SCRN2: variants seen among roughly 807,000 people sequenced by gnomAD.
The protein encoded by SCRN2 is secernin 2.
SCRN2 carries 30 observed loss-of-function variants against 40.1 expected under a neutral mutation model. The observed-to-expected ratio is 0.75, with a 90% CI of 0.56 to 1.01. The LOEUF is 1.01. Among genes scored for constraint, SCRN2 ranks in the 50% least tolerant of loss-of-function variants. SCRN2 has a pLI of 0.00. For missense variants in SCRN2, 526 were observed against 564.9 expected, an observed-to-expected ratio of 0.93 and a Z score of 0.70; for synonymous variants, 240 against 233.5, an observed-to-expected ratio of 1.03 and a Z score of -0.25.
chr17:47,840,795 A>T lies in SCRN2; in HGVS notation c.49T>A (p.Ser17Thr). The T allele has an allele frequency of 6.4e-7, 1 of 1,574,126 alleles. No homozygotes were observed. Among genetic ancestry groups the T allele is most frequent in the Non-Finnish European group, 8.6e-7 (1 of 1,157,772 alleles). Residue 17 changes from serine (S) to threonine (T), a missense_variant, in exon 2 of 8, where the codon TCC (serine) becomes ACC (threonine). Physicochemically the swap from Ser to Thr is moderately conservative, Grantham distance 58. Coordinates refer to ENST00000290216, the MANE Select transcript of SCRN2 (RefSeq NM_138355.4). The stretch of plus-strand genomic sequence containing the variant: ...GGGATGGCTGAGGCCGGGGGCACGG[A>T]GACAAAGCAGTCGCAGGAACATGGG... ...DSPCSCDCFV[S>T]VPPASAIPAV... is the part of the protein sequence containing the mutation.
At chr17:47,840,998 G>T in intron 1 of SCRN2, 155 bp from the exon 2 acceptor site, 2 of 623,640 alleles carry the variant, frequency 3.2e-6, no homozygotes, top group Non-Finnish European at 4.8e-6. Context: ...GAACGGAGGT[G>T]CCCACCCTCT....
chr17:47,840,626 A>G, intron 2 of SCRN2, 44 bp downstream of exon 2: 1 of 1,539,842 alleles, frequency 6.5e-7, no homozygotes, highest in Non-Finnish European at 8.8e-7. Context: ...AAAAGAATGC[A>G]GAGATCTGCC....
chr17:47,840,571 A>T (rs2033800563), intron 2 of SCRN2, 99 bp downstream of exon 2: 13 of 1,369,284 alleles, frequency 9.5e-6, no homozygotes, highest in Non-Finnish European at 1.3e-5. Flanking sequence ...CTCTTCCACT[A>T]CTTCTGGCAG....
chr17:47,840,199 G>C lies in SCRN2; in HGVS notation c.348C>G (p.Asp116Glu). ...VGEGEALLGM[D>E]LLRLALERSS... ...AAGGGCAGGGTCTGCACCTGAGTAG[G>C]TCCATGCCCAGCAGGGCTTCCCCCT... is the stretch of plus-strand genomic sequence containing the variant. Residue 116 changes from aspartate to glutamate, a missense_variant, in exon 3 of 8, where the codon GAC (aspartate) becomes GAG (glutamate). Asp to Glu is a conservative substitution (Grantham distance 45). Transcript: ENST00000290216. 1 of 1,612,898 alleles carries C rather than the reference G, an allele frequency of 6.2e-7. No individual in the cohort carries two copies. The highest frequency in any genetic ancestry group is 8.5e-7 in the Non-Finnish European group (1 of 1,179,880).
rs2033772374 is a variant in SCRN2, at chr17:47,839,342, C to T, written c.556+102G>A. 49 of 1,199,168 alleles carry T rather than the reference C, an allele frequency of 4.1e-5. 1 individual carries two copies. In the South Asian group the frequency reaches 6.8e-4, roughly 17 times the overall value. The allele number at this position is 1,199,168 out of a possible 1,614,324, so 74.3% of individuals were successfully genotyped here. A position where few individuals can be genotyped will look rare whatever the true frequency, so the allele number is the denominator to read the frequency against. ...AGAATTCCCAAGTGGGCTCATCTCC[C>T]ATCTCCCTGGATGTCCTGACAGGCT... On this transcript the variant is annotated intron_variant, in intron 4 of 7. Transcript: ENST00000290216.
chr17:47,838,220 G>C (rs1259895631), intron 7 of SCRN2, 50 bp downstream of exon 7: 6 of 1,570,940 alleles, frequency 3.8e-6, no homozygotes, highest in South Asian at 1.2e-5. Context: ...CACTGGGAGT[G>C]GGGGAGGTCT....
At chr17:47,840,912 C>G in intron 1 of SCRN2, 69 bp from the exon 2 acceptor site, 1 of 1,353,896 alleles carries the variant, frequency 7.4e-7, no homozygotes, top group East Asian at 2.8e-5. Flanking sequence ...TACCCCCACA[C>G]GTGTAAAAGA....
chr17:47,839,733 A>G, intron 3 of SCRN2, 90 bp from the exon 4 acceptor site: 1 of 1,420,788 alleles, frequency 7.0e-7, no homozygotes, highest in Non-Finnish European at 9.8e-7. Context: ...AGGCCCGGAG[A>G]GGTTTGGTGA....
intron 3 of SCRN2, chr17:47,839,888 C>T (rs1276739651): frequency 1.7e-6 from 1 of 599,284 alleles, no homozygotes; most frequent in Non-Finnish European, 3.0e-6. Flanking sequence ...AGAGAAGTGT[C>T]CTGAGCCCCT....
intron 7 of SCRN2, 32 bp from the exon 8 acceptor site, chr17:47,838,034 C>T: frequency 1.3e-6 from 2 of 1,592,386 alleles, no homozygotes; most frequent in Non-Finnish European, 1.7e-6. Flanking sequence ...ATGAGTCTGT[C>T]CGGGACAGGC....
In SCRN2 at chr17:47,838,648, C is replaced by T. The variant is rs1357400347; in HGVS notation, c.821G>A (p.Ser274Asn). 3 of 1,613,996 alleles carry T rather than the reference C, an allele frequency of 1.9e-6. No homozygotes were observed. The highest frequency in any genetic ancestry group is 2.5e-6 in the Non-Finnish European group (3 of 1,180,042). The change falls in exon 6 of 8, where the codon AGT becomes AAT. Residue 274 changes from serine (S) to asparagine (N), a missense_variant. Ser to Asn is a conservative substitution (Grantham distance 46, BLOSUM62 1). Coordinates refer to ENST00000290216, the MANE Select transcript of SCRN2 (RefSeq NM_138355.4). ...GCCTCCCGAGTCCATACAGATACCA[C>T]TCTCCTTGTCTCTGAGGATGCCCAT... is the stretch of plus-strand genomic sequence containing the variant. Reference protein sequence around the residue: ...VMMGILRDKESGICMDSGGFR... With the variant: ...VMMGILRDKENGICMDSGGFR...
chr17:47,840,930 G>A, intron 1 of SCRN2, 87 bp from the exon 2 acceptor site: 1 of 1,260,438 alleles, frequency 7.9e-7, no homozygotes, highest in Non-Finnish European at 1.0e-6. Context: ...AGACGCGCAA[G>A]GAAGACACCG....
rs2033790900 is a variant in SCRN2 at position 47,840,181 on chromosome 17, G to A, written c.356+10C>T. 1.2e-6 allele frequency: 2 copies of A among 1,605,998 alleles called. No individual in the cohort carries two copies. Among genetic ancestry groups the A allele is most frequent in the African/African-American group, 2.7e-5 (2 of 74,806 alleles). On this transcript the variant is annotated intron_variant, in intron 3 of 7. Coordinates refer to ENST00000290216, the MANE Select transcript of SCRN2 (RefSeq NM_138355.4). Reference sequence around the variant, plus strand: ...TGTGTCAGGCAGATGAGGAAGGGCAGGGTCTGCACCTGAGTAGGTCCATGC... The same window carrying A: ...TGTGTCAGGCAGATGAGGAAGGGCAAGGTCTGCACCTGAGTAGGTCCATGC...
Position 47,838,856 on chromosome 17 carries a change from G to A in SCRN2, c.707C>T (p.Pro236Leu), listed in dbSNP as rs1159384673. ...GGCCTTGGCAGCCTCCATGCGCACA[G>A]GCTGCTGGGTCAGGGAGAAGATCTG... ...FAQIFSLTQQ[P>L]VRMEAAKARF... The change falls in exon 5 of 8, where the codon CCT becomes CTT. Residue 236 changes from proline to leucine, a missense_variant. By Grantham distance (98) the Pro-to-Leu change is moderately conservative. Transcript: ENST00000290216. The A allele has an allele frequency of 6.2e-7, 1 of 1,613,560 alleles. No individual in the cohort carries two copies. Among genetic ancestry groups the A allele is most frequent in the African/African-American group, 1.3e-5 (1 of 74,946 alleles).
Position 47,840,313 on chromosome 17 carries a change from AG to A in SCRN2, c.233del (p.Pro78LeufsTer57). On this transcript the variant is annotated frameshift_variant, in exon 3 of 8. Transcript: ENST00000290216. LOFTEE classifies it high-confidence loss of function. ...SKTHAVILSR[P>X]SWLWGAEMGA... is the part of the protein sequence containing the mutation. ...CCATCTCAGCCCCCCATAGCCAAGA[AG>A]GACGGCTCAGAATCACAGCGTGCGT... 6.2e-7 allele frequency: 1 copy of A among 1,614,220 alleles called. No individual in the cohort carries two copies. Among genetic ancestry groups the A allele is most frequent in the Non-Finnish European group, 8.5e-7 (1 of 1,180,044 alleles).
intron 3 of SCRN2, chr17:47,839,957 CTA>C (rs2033787718): frequency 6.8e-6 from 4 of 590,808 alleles, no homozygotes; most frequent in South Asian, 6.4e-5. Flanking sequence ...AATTGGGACT[CTA>C]TGTAAGATTT....
At position 47,840,854 on chromosome 17, in the gene SCRN2, G is replaced by A; in HGVS notation, c.1-11C>T. 1 of 1,513,118 alleles carries A rather than the reference G, an allele frequency of 6.6e-7. No homozygotes were observed. The highest frequency in any genetic ancestry group is 8.9e-7 in the Non-Finnish European group (1 of 1,128,402). The allele number at this position is 1,513,118 out of a possible 1,614,324, so 93.7% of individuals were successfully genotyped here. On this transcript the variant is annotated splice_polypyrimidine_tract_variant and intron_variant, in intron 1 of 7. Coordinates refer to ENST00000290216, the MANE Select transcript of SCRN2 (RefSeq NM_138355.4). ...GCTCGACGACGCCATCTGGGGAGAG[G>A]CGGGCCTCTCCATAACCCTGGCCAC...
chr17:47,840,784 CG>C lies in SCRN2; in HGVS notation c.59del (p.Pro20ArgfsTer8), dbSNP rs758511576. ...CSCDCFVSVP[P>X]ASAIPAVIFA... ...AGATCACAGCCGGGATGGCTGAGGC[CG>C]GGGGCACGGAGACAAAGCAGTCGCA... On this transcript the variant is annotated frameshift_variant, in exon 2 of 8. Coordinates refer to ENST00000290216, the MANE Select transcript of SCRN2 (RefSeq NM_138355.4). LOFTEE classifies it high-confidence loss of function. 1.4e-5 allele frequency: 22 copies of C among 1,579,776 alleles called. No homozygotes were observed. The highest frequency in any genetic ancestry group is 6.8e-5 in the East Asian group (3 of 43,806).
At position 47,840,327 on chromosome 17, in the gene SCRN2, T is replaced by G. The variant is rs1468679744; in HGVS notation, c.220A>C (p.Ile74Leu). The change falls in exon 3 of 8, where the codon ATT (isoleucine) becomes CTT (leucine). Residue 74 changes from isoleucine (I) to leucine (L), a missense_variant. By Grantham distance (5) the Ile-to-Leu change is conservative. Transcript: ENST00000290216. The part of the protein sequence containing the change: ...VEQVSKTHAV[I>L]LSRPSWLWGA... ...CATAGCCAAGAAGGACGGCTCAGAATCACAGCGTGCGTCTTCGACACCTGT... is the reference window on the plus strand; with the variant it reads ...CATAGCCAAGAAGGACGGCTCAGAAGCACAGCGTGCGTCTTCGACACCTGT... 1 of 1,614,064 alleles carries G rather than the reference T, an allele frequency of 6.2e-7. No homozygotes were observed. The highest frequency in any genetic ancestry group is 8.5e-7 in the Non-Finnish European group (1 of 1,180,036).
Sources: allele counts gnomAD v4.1 joint callset, GRCh38; gene constraint gnomAD v4.1.1; transcripts MANE v1.5; gene names NCBI Gene and HGNC (gene_info 2026-07-23, HGNC 2026-07-21).